Variants in TET2 observed in about 807,000 individuals in gnomAD.
TET2 encodes the protein methylcytosine dioxygenase TET2.
A neutral mutation model predicts 142.9 loss-of-function variants in TET2; 299 were observed. The observed-to-expected ratio is 2.09, with a 90% CI of 1.90 to 2.30. The LOEUF is 2.30. TET2 is among the 30% of genes most tolerant of loss of function. The probability of loss-of-function intolerance (pLI) is 0.00; values close to 1 mark genes in which losing one functional copy is unlikely to be tolerated. For synonymous variants in TET2, 819 were observed against 849.0 expected, an observed-to-expected ratio of 0.96 and a Z score of 0.61; for missense variants, 2,418 against 2,378.0, an observed-to-expected ratio of 1.02 and a Z score of -0.35.
intron 1 of TET2, among the ~76,000 whole-genome samples, chr4:105,189,719 T>C (rs1217587290): frequency 6.6e-6 from 1 of 152,226 alleles, no homozygotes; most frequent in African/African-American, 2.4e-5. Context: ...TTAAAGTAGG[T>C]ATCTTATTAG....
At chr4:105,241,679 T>C in intron 4 of TET2, 1 of 1,276,758 alleles carries the variant, frequency 7.8e-7, no homozygotes, top group Non-Finnish European at 9.9e-7. Flanking sequence ...AACCCAGGCA[T>C]GAACAGGAAT....
Position 105,241,330 on chromosome 4 carries a change from T to A in TET2, c.3410-9T>A, listed in dbSNP as rs1317419503. On this transcript the variant is annotated splice_polypyrimidine_tract_variant and intron_variant, in intron 3 of 10. Transcript: ENST00000380013. ...GGTCTAAAATAATAATCTTCTATTA[T>A]CTCAACAGAGCAAATTATTGAAAAA... 4 of 1,541,068 alleles carry A rather than the reference T, an allele frequency of 2.6e-6. No individual in the cohort carries two copies. The highest frequency in any genetic ancestry group is 2.1e-5 in the Admixed American group (1 of 48,768).
At chr4:105,261,649 A>AT (rs1730434268) in intron 7 of TET2, 110 bp from the exon 8 acceptor site, 1 of 584,940 alleles carries the variant, frequency 1.7e-6, no homozygotes, top group African/African-American at 1.9e-5. Flanking sequence ...AAGGCACCAT[A>AT]TATTGTGTTT....
chr4:105,217,163 C>T (rs1365801515), intron 2 of TET2, among the ~76,000 whole-genome samples: 1 of 151,124 alleles, frequency 6.6e-6, no homozygotes, highest in Non-Finnish European at 1.5e-5. Context: ...CTCTTCATTT[C>T]AAAGGCATAA....
rs762176729 is a variant in TET2 at position 105,277,765 on chromosome 4, A to T, written c.*1246A>T. 4.4e-6 allele frequency: 1 copy of T among 228,078 alleles called. No homozygotes were observed. Among genetic ancestry groups the T allele is most frequent in the Non-Finnish European group, 8.7e-6 (1 of 114,878 alleles). The allele number at this position is 228,078 out of a possible 1,614,324, so 14.1% of individuals were successfully genotyped here. ...AAATGTACAGTTTTAAGAATTTTCT[A>T]TTAACTGCAGGTAATAATTAGCTGC... On this transcript the variant is annotated 3_prime_UTR_variant, in exon 11 of 11. Coordinates refer to ENST00000380013, the MANE Select transcript of TET2 (RefSeq NM_001127208.3).
intron 1 of TET2, among the ~76,000 whole-genome samples, chr4:105,165,887 A>T (rs1241280676): frequency 6.6e-6 from 1 of 152,176 alleles, no homozygotes; most frequent in Non-Finnish European, 1.5e-5. Flanking sequence ...GCTTTAAAAA[A>T]TTGTTTATCA....
At chr4:105,249,571 A>G (rs1274964510) in intron 6 of TET2, among the ~76,000 whole-genome samples, 7 of 152,204 alleles carry the variant, frequency 4.6e-5, no homozygotes, top group Admixed American at 3.3e-4. Context: ...CCAACAATGT[A>G]TGAAGGTTCC....
chr4:105,198,460 A>G (rs1199309100), intron 2 of TET2, among the ~76,000 whole-genome samples: 2 of 152,234 alleles, frequency 1.3e-5, no homozygotes, highest in African/African-American at 4.8e-5. Flanking sequence ...TGATAATGAT[A>G]TGGAAGATAT....
intron 2 of TET2, among the ~76,000 whole-genome samples, chr4:105,203,522 T>G (rs185392382): frequency 1.8e-4 from 27 of 150,862 alleles, no homozygotes; most frequent in Admixed American, 3.9e-4. Flanking sequence ...CAGAAGGGAG[T>G]GCCTGGCTTT....
chr4:105,249,703 T>C (rs922544103), intron 6 of TET2, among the ~76,000 whole-genome samples: 1 of 152,236 alleles, frequency 6.6e-6, no homozygotes, highest in Non-Finnish European at 1.5e-5. Context: ...TTGGGCATCT[T>C]TTCACGTGTG....
At chr4:105,247,579 CTG>C (rs1439002992) in intron 6 of TET2, among the ~76,000 whole-genome samples, 6 of 152,102 alleles carry the variant, frequency 3.9e-5, no homozygotes, top group East Asian at 3.9e-4. Flanking sequence ...TTTAAAGAAA[CTG>C]TGATTTTCTC....
At chr4:105,188,475 T>G (rs1471998314) in intron 1 of TET2, among the ~76,000 whole-genome samples, 1 of 152,216 alleles carries the variant, frequency 6.6e-6, no homozygotes, top group Non-Finnish European at 1.5e-5. Context: ...GTGAATGTAC[T>G]TAATGCCACA....
intron 2 of TET2, among the ~76,000 whole-genome samples, chr4:105,229,217 T>C (rs1311035515): frequency 6.6e-6 from 1 of 152,250 alleles, no homozygotes; most frequent in African/African-American, 2.4e-5. Flanking sequence ...TAGTCACTGT[T>C]GGATGATGTA....
intron 6 of TET2, among the ~76,000 whole-genome samples, chr4:105,253,727 C>T (rs1472919179): frequency 6.6e-6 from 1 of 152,044 alleles, no homozygotes; most frequent in Non-Finnish European, 1.5e-5. Context: ...CTGATCTCAG[C>T]AGGAAATCTT....
At chr4:105,232,643 A>G (rs1488282612) in intron 2 of TET2, among the ~76,000 whole-genome samples, 3 of 152,226 alleles carry the variant, frequency 2.0e-5, no homozygotes, top group Non-Finnish European at 4.4e-5. Flanking sequence ...AAAGGCATGA[A>G]GCTCTGAAAC....
At chr4:105,211,387 T>C (rs754997457) in intron 2 of TET2, among the ~76,000 whole-genome samples, 5 of 152,210 alleles carry the variant, frequency 3.3e-5, no homozygotes, top group African/African-American at 4.8e-5. Flanking sequence ...ACTATCTTGT[T>C]CATCCCTACA....
At chr4:105,166,620 GAAAA>G (rs138353852) in intron 1 of TET2, among the ~76,000 whole-genome samples, 2,203 of 147,136 alleles carry the variant, frequency 0.015, 44 homozygotes, top group African/African-American at 0.04. Context: ...GAAAAAAAAA[GAAAA>G]AAAAACAGGG....
At chr4:105,148,083 C>T (rs1242891583) in intron 1 of TET2, among the ~76,000 whole-genome samples, 1 of 151,670 alleles carries the variant, frequency 6.6e-6, no homozygotes, top group Non-Finnish European at 1.5e-5. Context: ...CACACACACA[C>T]CTCACTCGCA....
intron 2 of TET2, among the ~76,000 whole-genome samples, chr4:105,193,335 T>A (rs1300099883): frequency 1.3e-5 from 2 of 152,032 alleles, no homozygotes; most frequent in Admixed American, 1.3e-4. Context: ...TTGTATAAAG[T>A]TCATGTTGGC....
Sources: gnomAD v4.1 joint callset for allele counts (sites outside exome capture counted in the v4.1 genomes callset) on GRCh38, gnomAD v4.1.1 for gene constraint, MANE v1.5 for transcripts, NCBI Gene and HGNC (gene_info 2026-07-23, HGNC 2026-07-21) for gene names.